Variants in DPYSL3 observed in about 807,000 individuals in gnomAD.
DPYSL3 encodes dihydropyrimidinase-related protein 3.
A neutral mutation model predicts 66.1 loss-of-function variants in DPYSL3; 16 were observed. That is an observed-to-expected ratio of 0.24 (90% CI 0.16 to 0.37). The LOEUF (loss-of-function observed/expected upper bound fraction) is 0.37, where lower values mean the gene tolerates loss of function less well. DPYSL3 is among the 10% of genes least tolerant of loss of function. DPYSL3 has a pLI of 1.00. For missense variants in DPYSL3, 738 were observed against 916.2 expected, an observed-to-expected ratio of 0.81 and a Z score of 2.51; for synonymous variants, 338 against 345.1, an observed-to-expected ratio of 0.98 and a Z score of 0.23.
chr5:147,410,986 T>C (rs1751842669), intron 6 of DPYSL3, among the ~76,000 whole-genome samples: 1 of 152,146 alleles, frequency 6.6e-6, no homozygotes, highest in Non-Finnish European at 1.5e-5. Flanking sequence ...GGAAATAAAC[T>C]GAGAACGCAG....
At chr5:147,418,000 G>A (rs79519148) in intron 3 of DPYSL3, among the ~76,000 whole-genome samples, 6 of 152,212 alleles carry the variant, frequency 3.9e-5, no homozygotes, top group East Asian at 3.9e-4. Flanking sequence ...CAAAATTTCC[G>A]AGAAATGTAA....
At chr5:147,435,357 G>A (rs1033065103) in intron 1 of DPYSL3, among the ~76,000 whole-genome samples, 6 of 152,184 alleles carry the variant, frequency 3.9e-5, no homozygotes, top group Non-Finnish European at 4.4e-5. Context: ...ATCTTCAAGT[G>A]CTATGAATTA....
chr5:147,473,465 A>G (rs1293829467), intron 1 of DPYSL3: 1 of 152,204 alleles, frequency 6.6e-6, no homozygotes, highest in African/African-American at 2.4e-5. Context: ...AGCAGCTTCT[A>G]AAGAGAAGGG....
At position 147,453,734 on chromosome 5, in the gene DPYSL3, C is replaced by A. The variant is rs868662576; in HGVS notation, c.382-28771G>T. 1.4e-5 allele frequency: 18 copies of A among 1,314,572 alleles called. No homozygotes were observed. In the African/African-American group the frequency reaches 1.5e-4, roughly 11 times the overall value. The allele number at this position is 1,314,572 out of a possible 1,614,324, so 81.4% of individuals were successfully genotyped here. ...CGCCGCCTCCGCCCGCCTCCGCCCC[C>A]CTCCCGGGCTCCCGCGGCGGCTGCC... On this transcript the variant is annotated intron_variant, in intron 1 of 13. Coordinates refer to ENST00000343218, the MANE Select transcript of DPYSL3 (RefSeq NM_001197294.2).
At chr5:147,499,302 T>C (rs1753567789) in intron 1 of DPYSL3, among the ~76,000 whole-genome samples, 1 of 152,136 alleles carries the variant, frequency 6.6e-6, no homozygotes, top group Non-Finnish European at 1.5e-5. Context: ...ATAGCAAGGT[T>C]GCAGGATACA....
intron 1 of DPYSL3, chr5:147,453,480 C>A: frequency 1.3e-6 from 2 of 1,492,032 alleles, no homozygotes; most frequent in South Asian, 1.3e-5. Flanking sequence ...GGATCCGAGC[C>A]GACCCCGCCC....
At position 147,498,325 on chromosome 5, in the gene DPYSL3, A is replaced by T. The variant is rs370027850; in HGVS notation, c.381+11153T>A. On this transcript the variant is annotated intron_variant, in intron 1 of 13. Transcript: ENST00000343218. Reference sequence around the variant, plus strand: ...GGTGTATATGTACCACGTTTTCTTTATCCAGTCTATCAGTGAAGGGCATTT... The same window carrying T: ...GGTGTATATGTACCACGTTTTCTTTTTCCAGTCTATCAGTGAAGGGCATTT... 2.0e-5 allele frequency among the ~76,000 whole-genome samples: 3 copies of T among 152,170 alleles called. No homozygotes were observed. The East Asian group carries it at 5.8e-4, about 29-fold the overall frequency.
At chr5:147,504,991 G>C (rs1286624840) in intron 1 of DPYSL3, among the ~76,000 whole-genome samples, 1 of 152,188 alleles carries the variant, frequency 6.6e-6, no homozygotes, top group African/African-American at 2.4e-5. Flanking sequence ...CTTGAGAAAT[G>C]ATGAAAAATA....
chr5:147,486,173 T>C (rs1296920677), intron 1 of DPYSL3, among the ~76,000 whole-genome samples: 1 of 152,080 alleles, frequency 6.6e-6, no homozygotes, highest in Non-Finnish European at 1.5e-5. Flanking sequence ...AGAAAGCAGA[T>C]TAGTGAATGC....
At chr5:147,508,760 C>T (rs1255616732) in intron 1 of DPYSL3, among the ~76,000 whole-genome samples, 2 of 152,174 alleles carry the variant, frequency 1.3e-5, no homozygotes, top group Non-Finnish European at 2.9e-5. Flanking sequence ...ACTCTTAATA[C>T]TCTCGTCTAT....
At chr5:147,481,038 T>C (rs980914646) in intron 1 of DPYSL3, among the ~76,000 whole-genome samples, 2 of 152,066 alleles carry the variant, frequency 1.3e-5, no homozygotes, top group African/African-American at 4.8e-5. Context: ...CTATTTTTAT[T>C]AAAAATAAAA....
At chr5:147,428,799 G>A (rs990944065) in intron 1 of DPYSL3, among the ~76,000 whole-genome samples, 2 of 152,056 alleles carry the variant, frequency 1.3e-5, no homozygotes, top group Non-Finnish European at 2.9e-5. Flanking sequence ...GGCCCGTCAC[G>A]GTGGGTGGGG....
chr5:147,436,514 T>C (rs1029312830), intron 1 of DPYSL3, among the ~76,000 whole-genome samples: 18 of 152,228 alleles, frequency 1.2e-4, no homozygotes, highest in African/African-American at 3.9e-4. Flanking sequence ...TTGGATGTTG[T>C]AGAAGGAAAG....
chr5:147,419,343 G>A (rs747393523), intron 2 of DPYSL3, among the ~76,000 whole-genome samples: 5 of 152,126 alleles, frequency 3.3e-5, no homozygotes, highest in South Asian at 2.1e-4. Context: ...ACACGGCTTC[G>A]CCCAGGAAGC....
At chr5:147,424,768 T>A (rs893894331) in intron 2 of DPYSL3, 107 bp downstream of exon 2, 5 of 855,828 alleles carry the variant, frequency 5.8e-6, no homozygotes, top group Non-Finnish European at 8.9e-6. Flanking sequence ...ATTCTGTTGA[T>A]TAAATTAAGA....
intron 1 of DPYSL3, among the ~76,000 whole-genome samples, chr5:147,486,911 T>C (rs1753336977): frequency 6.6e-6 from 1 of 152,216 alleles, no homozygotes; most frequent in South Asian, 2.1e-4. Context: ...TTCTTGATCA[T>C]ATTTTTATTG....
At chr5:147,420,766 G>C (rs527367298) in intron 2 of DPYSL3, among the ~76,000 whole-genome samples, 11 of 152,234 alleles carry the variant, frequency 7.2e-5, no homozygotes, top group Middle Eastern at 3.4e-3. Flanking sequence ...ACATCTGATG[G>C]TTAAATTCCT....
Position 147,419,293 on chromosome 5 carries a change from G to A in DPYSL3, c.471-662C>T, listed in dbSNP as rs79440142. Among the ~76,000 whole-genome samples, 368 of 152,242 alleles carry A rather than the reference G, an allele frequency of 2.4e-3. 2 individuals are homozygous for A. Among genetic ancestry groups the A allele is most frequent in the African/African-American group, 8.6e-3 (357 of 41,546 alleles). On this transcript the variant is annotated intron_variant, in intron 2 of 13. Coordinates refer to ENST00000343218, the MANE Select transcript of DPYSL3 (RefSeq NM_001197294.2). ...TGACATGGTCAGTGTCCCAGTAGAAGCTTTTAGCCGAGCTGAGTGATTATG... is the reference window on the plus strand; with the variant it reads ...TGACATGGTCAGTGTCCCAGTAGAAACTTTTAGCCGAGCTGAGTGATTATG...
chr5:147,428,705 T>G lies in DPYSL3; in HGVS notation c.382-3742A>C, dbSNP rs577751895. Among the ~76,000 whole-genome samples the G allele has an allele frequency of 2.7e-3, 384 of 144,492 alleles. 1 individual carries two copies. The highest frequency in any genetic ancestry group is 4.0e-3 in the Non-Finnish European group (273 of 67,958). The allele number at this position is 144,492 out of a possible 152,430, so 94.8% of individuals were successfully genotyped here. A position where few individuals can be genotyped will look rare whatever the true frequency, so the allele number is the denominator to read the frequency against. ...GGATGGAGCTGGAAGCCATTATCCTTAGCAAACTAACACAGGAATAGAAAA... is the reference window on the plus strand; with the variant it reads ...GGATGGAGCTGGAAGCCATTATCCTGAGCAAACTAACACAGGAATAGAAAA... On this transcript the variant is annotated intron_variant, in intron 1 of 13. Coordinates refer to ENST00000343218, the MANE Select transcript of DPYSL3 (RefSeq NM_001197294.2).
Sources: allele counts gnomAD v4.1 joint callset (sites outside exome capture counted in the v4.1 genomes callset), GRCh38; gene constraint gnomAD v4.1.1; transcripts MANE v1.5; gene names NCBI Gene and HGNC (gene_info 2026-07-23, HGNC 2026-07-21).